Variants in COL17A1 observed in about 807,000 individuals in gnomAD.
COL17A1 encodes the protein collagen type XVII alpha 1 chain.
COL17A1 carries 181 observed loss-of-function variants against 218.4 expected under a neutral mutation model. The ratio of observed to expected loss-of-function variants is 0.83; its 90% CI spans 0.73 to 0.94. The LOEUF is 0.94. COL17A1 is among the 40% of genes least tolerant of loss of function. The pLI, the probability that COL17A1 is intolerant of heterozygous loss-of-function variation, is 0.00. For synonymous variants in COL17A1, 721 were observed against 731.0 expected (o/e 0.99, Z 0.22); for missense variants, 1,924 against 1,945.9 (o/e 0.99, Z 0.21).
At chr10:104,040,570 G>GTGGATGGATGGA (rs56889497) in intron 39 of COL17A1, among the ~76,000 whole-genome samples, 160 bp from the exon 40 acceptor site, 33 of 150,122 alleles carry the variant, frequency 2.2e-4, no homozygotes, top group South Asian at 1.3e-3. Context: ...GGGCGGGTGG[G>GTGGATGGATGGA]TGGATGGATG....
chr10:104,032,853 A>G lies in COL17A1; in HGVS notation c.4357+53T>C, dbSNP rs1844706148. The G allele has an allele frequency of 3.7e-6, 6 of 1,612,618 alleles. No homozygotes were observed. In the South Asian group the frequency reaches 6.6e-5, roughly 18 times the overall value. On this transcript the variant is annotated intron_variant, in intron 54 of 55. Transcript: ENST00000648076. The stretch of plus-strand genomic sequence containing the variant: ...ACCAGCACAGGAGCTGCTTTTCAGT[A>G]CGAGGTGGGTGTTAACACAGGATCC...
At position 104,043,483 on chromosome 10, in the gene COL17A1, G is replaced by A. The variant is rs1263570908; in HGVS notation, c.2515+18C>T. 3.1e-6 allele frequency: 5 copies of A among 1,611,374 alleles called. No homozygotes were observed. The Admixed American group carries it at 5.0e-5, about 16-fold the overall frequency. ...AGACCTATTGCTGATTTGGGGCAAA[G>A]CAAGAAAATAGACTGACCTGGGGCA... On this transcript the variant is annotated intron_variant, in intron 35 of 55. Coordinates refer to ENST00000648076, the MANE Select transcript of COL17A1 (RefSeq NM_000494.4).
rs1305870717 is a variant in COL17A1, at chr10:104,049,389, C to T, written c.2227+20G>A. 6.2e-7 allele frequency: 1 copy of T among 1,613,294 alleles called. No individual in the cohort carries two copies. Among genetic ancestry groups the T allele is most frequent in the Non-Finnish European group, 8.5e-7 (1 of 1,179,210 alleles). On this transcript the variant is annotated intron_variant, in intron 29 of 55. Coordinates refer to ENST00000648076, the MANE Select transcript of COL17A1 (RefSeq NM_000494.4). ...CCTCAGATGGGGAACTCACTGAATC[C>T]ATTCCTTTGGAACACTTACCCATTG...
At chr10:104,050,705 C>T (rs761216950) in intron 26 of COL17A1, 49 bp from the exon 27 acceptor site, 15 of 1,614,024 alleles carry the variant, frequency 9.3e-6, no homozygotes, top group Non-Finnish European at 1.3e-5. Context: ...CAAGGGACAA[C>T]CAGGAAGGGG....
intron 48 of COL17A1, 142 bp from the exon 49 acceptor site, chr10:104,035,705 G>C: frequency 1.4e-6 from 1 of 708,906 alleles, no homozygotes; most frequent in Non-Finnish European, 2.4e-6. Flanking sequence ...AGGCAGAGAG[G>C]AGGAGCCCAA....
rs756207258 is a variant in COL17A1 at position 104,041,328 on chromosome 10, G to A, written c.2622C>T (p.Gly874=). ...CTGGTGGGCCTCGGGGTCCTGGTGG[G>A]CCTGGAATGGAAGGCCCTGCAGAAG... ...PRGPPGPSIP[G]PPGPRGPPGE... The change falls in exon 38 of 56, where the codon GGC becomes GGT. Residue 874 remains glycine (G), a synonymous_variant. Transcript: ENST00000648076. 4 of 1,610,684 alleles carry A rather than the reference G, an allele frequency of 2.5e-6. No individual in the cohort carries two copies. The East Asian group carries it at 6.7e-5, about 27-fold the overall frequency.
rs1319056808 is a variant in COL17A1, at chr10:104,052,215, C to T, written c.1942G>A (p.Ala648Thr). Reference sequence around the variant, plus strand: ...CCATGAGGACCTGGTTCACCAGCAGCCCCTGAGGAGAAATGGAGGGATGAG... The same window carrying T: ...CCATGAGGACCTGGTTCACCAGCAGTCCCTGAGGAGAAATGGAGGGATGAG... ...PGSGEKGERG[A>T]AGEPGPHGPP... Residue 648 changes from alanine (A) to threonine (T), a missense_variant and splice_region_variant, in exon 24 of 56, where the codon GCT (alanine) becomes ACT (threonine). Transcript: ENST00000648076. 3.7e-6 allele frequency: 6 copies of T among 1,614,140 alleles called. No homozygotes were observed. The East Asian group carries it at 8.9e-5, about 24-fold the overall frequency.
At chr10:104,052,107 G>A in intron 24 of COL17A1, 48 bp downstream of exon 24, 2 of 1,612,548 alleles carry the variant, frequency 1.2e-6, no homozygotes, top group Non-Finnish European at 1.7e-6. Context: ...TCCTGAATGT[G>A]GCTTCTCCTC....
chr10:104,043,815 A>G lies in COL17A1; in HGVS notation c.2434+10T>C. ...ACACAGAAAGGAGGGTCCCTCTAGG[A>G]CCTGCCTACCCGAAGTCACGATCTT... On this transcript the variant is annotated intron_variant, in intron 34 of 55. Transcript: ENST00000648076. The G allele has an allele frequency of 6.2e-7, 1 of 1,614,040 alleles. No homozygotes were observed. Among genetic ancestry groups the G allele is most frequent in the East Asian group, 2.2e-5 (1 of 44,878 alleles).
chr10:104,042,892 G>C (rs2086374696), intron 35 of COL17A1, among the ~76,000 whole-genome samples: 1 of 152,212 alleles, frequency 6.6e-6, no homozygotes, highest in Non-Finnish European at 1.5e-5. Context: ...TCTTCAATGT[G>C]TGGGCATTTT....
chr10:104,045,912 C>T (rs958191254), intron 32 of COL17A1, 119 bp from the exon 33 acceptor site: 26 of 861,480 alleles, frequency 3.0e-5, no homozygotes, highest in African/African-American at 6.6e-5. Flanking sequence ...AACCCTGGGA[C>T]GCACCAGCTT....
At chr10:104,045,173 G>A (rs1013969981) in intron 33 of COL17A1, among the ~76,000 whole-genome samples, 5 of 152,178 alleles carry the variant, frequency 3.3e-5, no homozygotes, top group South Asian at 2.1e-4. Context: ...GGGTCACTGT[G>A]TGCATGGGCA....
intron 53 of COL17A1, 86 bp downstream of exon 53, chr10:104,033,152 T>G: frequency 6.5e-7 from 1 of 1,545,096 alleles, no homozygotes; most frequent in Non-Finnish European, 8.8e-7. Flanking sequence ...AACTGGAGAT[T>G]TCTCATGAGA....
intron 20 of COL17A1, among the ~76,000 whole-genome samples, chr10:104,054,708 C>G (rs933097865): frequency 7.2e-5 from 11 of 152,156 alleles, no homozygotes; most frequent in Admixed American, 7.2e-4. Context: ...TGCATACCCC[C>G]TGAGTCAAAG....
chr10:104,062,033 C>T (rs2086587015), intron 12 of COL17A1, among the ~76,000 whole-genome samples: 1 of 152,196 alleles, frequency 6.6e-6, no homozygotes, highest in African/African-American at 2.4e-5. Flanking sequence ...CAGGAACATA[C>T]AAGTGATGCC....
intron 17 of COL17A1, 32 bp downstream of exon 17, chr10:104,056,943 A>G: frequency 6.4e-7 from 1 of 1,553,756 alleles, no homozygotes; most frequent in Non-Finnish European, 8.7e-7. Flanking sequence ...GCCTCCTACC[A>G]CACAGGCTGC....
chr10:104,036,181 GAAGTGAGTGT>G (rs2086295588), intron 48 of COL17A1, among the ~76,000 whole-genome samples: 7 of 378 alleles, frequency 0.019, no homozygotes, highest in Non-Finnish European at 0.051. Flanking sequence ...TGTGTGTATG[GAAGTGAGTGT>G]GTGTGTGTAT....
At chr10:104,084,451 A>G (rs1199568951) in intron 1 of COL17A1, among the ~76,000 whole-genome samples, 1 of 152,046 alleles carries the variant, frequency 6.6e-6, no homozygotes, top group Non-Finnish European at 1.5e-5. Flanking sequence ...CTGGGGTTAC[A>G]GGCATGCACC....
intron 50 of COL17A1, 124 bp from the exon 51 acceptor site, chr10:104,034,891 G>A: frequency 8.5e-7 from 1 of 1,180,858 alleles, no homozygotes; most frequent in African/African-American, 1.5e-5. Flanking sequence ...CCTCCCGGGT[G>A]ATGGGAGGAG....
Sources: allele counts gnomAD v4.1 joint callset (sites outside exome capture counted in the v4.1 genomes callset), GRCh38; gene constraint gnomAD v4.1.1; transcripts MANE v1.5; gene names NCBI Gene and HGNC (gene_info 2026-07-23, HGNC 2026-07-21).